The following PDE4D variants were observed in gnomAD, a reference collection of about 807,000 sequenced individuals.
The protein encoded by PDE4D is 3',5'-cyclic-AMP phosphodiesterase 4D.
Under a neutral mutation model 87.4 loss-of-function variants are expected in PDE4D, and 24 were observed. The observed-to-expected ratio is 0.27, with a 90% confidence interval of 0.20 to 0.39. The LOEUF (loss-of-function observed/expected upper bound fraction) is 0.39. PDE4D is among the 10% of genes least tolerant of loss of function. The pLI is 1.00. For missense variants in PDE4D, 714 were observed against 1,041.0 expected (o/e 0.69, Z 4.32); for synonymous variants, 384 against 383.2 (o/e 1.00, Z -0.02).
intron 1 of PDE4D, among the ~76,000 whole-genome samples, chr5:59,794,628 A>C (rs1457364040): frequency 6.6e-6 from 1 of 152,166 alleles, no homozygotes; most frequent in African/African-American, 2.4e-5. Context: ...TCTATTTTTA[A>C]AAATTTTGTC....
chr5:59,132,781 C>T (rs1443919563), intron 5 of PDE4D, among the ~76,000 whole-genome samples: 1 of 152,090 alleles, frequency 6.6e-6, no homozygotes, highest in Non-Finnish European at 1.5e-5. Context: ...AGCTTATTAA[C>T]CTGATGTCAA....
chr5:59,129,446 A>G (rs1775959623), intron 5 of PDE4D, among the ~76,000 whole-genome samples: 1 of 152,120 alleles, frequency 6.6e-6, no homozygotes, highest in South Asian at 2.1e-4. Flanking sequence ...GGGAAGAAGG[A>G]GCAAAGATTT....
chr5:59,676,812 T>C (rs1297433666), intron 1 of PDE4D, among the ~76,000 whole-genome samples: 2 of 152,168 alleles, frequency 1.3e-5, no homozygotes, highest in East Asian at 3.8e-4. Context: ...TTTGAAAATA[T>C]ATAATATATC....
chr5:58,988,652 T>C, intron 10 of PDE4D, 60 bp from the exon 11 acceptor site: 1 of 698,176 alleles, frequency 1.4e-6, no homozygotes, highest in Non-Finnish European at 2.2e-6. Flanking sequence ...ATTAAAAGTA[T>C]AAACAAATAA....
Position 59,601,373 on chromosome 5 carries a change from T to C in PDE4D, c.455+291795A>G, listed in dbSNP as rs566316963. 3.3e-5 allele frequency among the ~76,000 whole-genome samples: 5 copies of C among 151,832 alleles called. No homozygotes were observed. The South Asian group carries it at 6.3e-4, about 19-fold the overall frequency. ...TGAAGGCAGGCCTCTGTTATTTCAG[T>C]GTGCTTGCAACTGGGGAGCTGCTGC... On this transcript the variant is annotated intron_variant, in intron 1 of 14. Transcript: ENST00000340635.
chr5:60,488,026 A>C (rs1452853249), exon 1 of PDE4D: 1 of 152,606 alleles, frequency 6.6e-6, no homozygotes, highest in African/African-American at 2.4e-5. Context: ...CATATGCATT[A>C]AGGCAGGAAC....
chr5:60,497,882 C>A lies in PDE4D; in HGVS notation n.70+24169G>T, dbSNP rs769808732. Among the ~76,000 whole-genome samples the A allele has an allele frequency of 7.9e-5, 12 of 152,270 alleles. No individual in the cohort carries two copies. In the Middle Eastern group the frequency reaches 0.01, roughly 129 times the overall value. ...AGACTTTGATCTATTGCCAGGAAAACTTTGGCAACATATTGCCAGGGCGAT... is the reference window on the plus strand; with the variant it reads ...AGACTTTGATCTATTGCCAGGAAAAATTTGGCAACATATTGCCAGGGCGAT... On this transcript the variant is annotated intron_variant and non_coding_transcript_variant, in intron 1 of 2. Coordinates refer to the PDE4D transcript ENST00000506510.
intron 1 of PDE4D, among the ~76,000 whole-genome samples, chr5:59,666,890 T>G (rs1320828794): frequency 6.6e-6 from 1 of 152,184 alleles, no homozygotes. Context: ...TCCTCATTCA[T>G]AGTCCAGCTC....
chr5:59,024,812 C>T (rs1277123259), intron 6 of PDE4D, among the ~76,000 whole-genome samples: 1 of 152,002 alleles, frequency 6.6e-6, no homozygotes, highest in Admixed American at 6.5e-5. Context: ...ACCATACTGA[C>T]AATATAAGAT....
intron 11 of PDE4D, among the ~76,000 whole-genome samples, chr5:58,984,909 T>C (rs1243256222): frequency 6.6e-6 from 1 of 151,966 alleles, no homozygotes; most frequent in South Asian, 2.1e-4. Context: ...TTTATGGATT[T>C]ATTTATTTAT....
At chr5:59,409,389 G>T (rs1267883270) in intron 1 of PDE4D, among the ~76,000 whole-genome samples, 1 of 152,074 alleles carries the variant, frequency 6.6e-6, no homozygotes, top group African/African-American at 2.4e-5. Flanking sequence ...TGAGATTTAG[G>T]GGGCCAAGGG....
chr5:59,368,145 T>C (rs1231184903), intron 1 of PDE4D, among the ~76,000 whole-genome samples: 1 of 152,228 alleles, frequency 6.6e-6, no homozygotes, highest in Non-Finnish European at 1.5e-5. Flanking sequence ...GACATCCGAA[T>C]TCTCTATTAT....
chr5:59,903,426 A>G (rs1648605547), intron 3 of PDE4D, among the ~76,000 whole-genome samples: 1 of 152,062 alleles, frequency 6.6e-6, no homozygotes, highest in South Asian at 2.1e-4. Context: ...ATTGCAATAA[A>G]TCTCTGGATG....
intron 1 of PDE4D, among the ~76,000 whole-genome samples, chr5:59,632,236 G>A (rs1335741548): frequency 6.6e-6 from 1 of 152,186 alleles, no homozygotes; most frequent in Non-Finnish European, 1.5e-5. Context: ...AAAGGTAGCA[G>A]CCCCAGTCAG....
intron 1 of PDE4D, among the ~76,000 whole-genome samples, chr5:59,508,097 T>C (rs1003601790): frequency 1.3e-5 from 2 of 152,174 alleles, no homozygotes; most frequent in African/African-American, 4.8e-5. Flanking sequence ...ACTAGAATTG[T>C]TTTTTGCTTT....
At chr5:59,052,588 G>A (rs1323880565) in intron 5 of PDE4D, among the ~76,000 whole-genome samples, 1 of 152,188 alleles carries the variant, frequency 6.6e-6, no homozygotes, top group African/African-American at 2.4e-5. Context: ...ATCCACTTTA[G>A]TGGTCTACGA....
rs1384743882 is a variant in PDE4D at position 59,835,613 on chromosome 5, A to C, written c.455+57555T>G. 2.6e-5 allele frequency among the ~76,000 whole-genome samples: 4 copies of C among 152,212 alleles called. No individual in the cohort carries two copies. The East Asian group carries it at 7.8e-4, about 30-fold the overall frequency. On this transcript the variant is annotated intron_variant, in intron 1 of 14. Coordinates refer to ENST00000340635, the MANE Select transcript of PDE4D (RefSeq NM_001104631.2). ...TAAGTTGGATAATACGTAAATAATA[A>C]TAAATTTATGTTAATAAGTAATTCA...
intron 1 of PDE4D, among the ~76,000 whole-genome samples, chr5:60,204,218 C>G (rs1013282429): frequency 6.6e-6 from 1 of 152,170 alleles, no homozygotes; most frequent in Non-Finnish European, 1.5e-5. Flanking sequence ...AGCTATCTCT[C>G]TATCTCTCTG....
intron 1 of PDE4D, among the ~76,000 whole-genome samples, chr5:59,228,974 C>G (rs1581492107): frequency 6.6e-6 from 1 of 152,118 alleles, no homozygotes; most frequent in South Asian, 2.1e-4. Context: ...CTATTTAAAA[C>G]TGGCACCCCT....
Sources: gnomAD v4.1 joint callset for allele counts (sites outside exome capture counted in the v4.1 genomes callset) on GRCh38, gnomAD v4.1.1 for gene constraint, MANE v1.5 for transcripts, NCBI Gene and HGNC (gene_info 2026-07-23, HGNC 2026-07-21) for gene names.